The following KCNQ2 variants were observed in gnomAD, a reference collection of about 807,000 sequenced individuals.
The protein encoded by KCNQ2 is potassium voltage-gated channel subfamily KQT member 2.
KCNQ2 carries 14 observed loss-of-function variants against 84.8 expected under a neutral mutation model. The ratio of observed to expected loss-of-function variants is 0.17; its 90% CI spans 0.11 to 0.26. The LOEUF (loss-of-function observed/expected upper bound fraction) is 0.26, where lower values mean the gene tolerates loss of function less well. Among genes scored for constraint, KCNQ2 ranks in the 10% least tolerant of loss-of-function variants. KCNQ2 has a pLI of 1.00. For missense variants in KCNQ2, 788 were observed against 1,254.0 expected (o/e 0.63, Z 5.61); for synonymous variants, 599 against 554.1 (o/e 1.08, Z -1.14).
Position 63,442,004 on chromosome 20 carries a change from G to A in KCNQ2, c.816+402C>T, listed in dbSNP as rs529775769. ...CCAGATCTGTTCAGACCTGATCAGAGTGGGGCCTGCAGAGCCACCTAGTCT... is the reference window on the plus strand; with the variant it reads ...CCAGATCTGTTCAGACCTGATCAGAATGGGGCCTGCAGAGCCACCTAGTCT... On this transcript the variant is annotated intron_variant, in intron 5 of 16. Coordinates refer to ENST00000359125, the MANE Select transcript of KCNQ2 (RefSeq NM_172107.4). Among the ~76,000 whole-genome samples, 11 of 152,310 alleles carry A rather than the reference G, an allele frequency of 7.2e-5. No individual in the cohort carries two copies. In the South Asian group the frequency reaches 2.1e-3, roughly 29 times the overall value.
chr20:63,469,531 T>C lies in KCNQ2; in HGVS notation c.296+2637A>G, dbSNP rs113362980. Among the ~76,000 whole-genome samples the C allele has an allele frequency of 3.1e-3, 473 of 152,232 alleles. 1 individual carries two copies. Among genetic ancestry groups the C allele is most frequent in the African/African-American group, 0.01 (426 of 41,534 alleles). On this transcript the variant is annotated intron_variant, in intron 1 of 16. Transcript: ENST00000359125. Reference sequence around the variant, plus strand: ...GGCCATGGGGCAGCAGCCACCGCCCTCTCTACCCCAGACAGTGGCTACCCC... The same window carrying C: ...GGCCATGGGGCAGCAGCCACCGCCCCCTCTACCCCAGACAGTGGCTACCCC...
intron 1 of KCNQ2, chr20:63,449,293 A>G (rs3746358): frequency 0.21 from 31,251 of 152,240 alleles, 3,587 homozygotes; most frequent in Non-Finnish European, 0.27. Flanking sequence ...CCCCTTGCAA[A>G]TAAAAGACCA....
At chr20:63,421,788 G>A (rs1052016863) in intron 11 of KCNQ2, among the ~76,000 whole-genome samples, 3 of 152,080 alleles carry the variant, frequency 2.0e-5, no homozygotes, top group African/African-American at 7.2e-5. Context: ...GGACAAGACA[G>A]CACAAGTCAG....
chr20:63,452,974 A>G (rs547004800), intron 1 of KCNQ2, among the ~76,000 whole-genome samples: 1 of 152,322 alleles, frequency 6.6e-6, no homozygotes, highest in African/African-American at 2.4e-5. Flanking sequence ...GGGAGGGTCC[A>G]GGGCCTAGTG....
At chr20:63,445,802 G>A (rs74179807) in intron 2 of KCNQ2, among the ~76,000 whole-genome samples, 532 of 33,266 alleles carry the variant, frequency 0.016, 1 homozygote, top group East Asian at 0.07. Flanking sequence ...GAGCTGGGAG[G>A]CCCTGTCTGA....
At chr20:63,463,415 C>T (rs2082005011) in intron 1 of KCNQ2, among the ~76,000 whole-genome samples, 1 of 152,164 alleles carries the variant, frequency 6.6e-6, no homozygotes, top group Admixed American at 6.5e-5. Context: ...GAAGGAAGCC[C>T]AGCCGGCCGA....
At chr20:63,429,478 C>T (rs184559364) in intron 9 of KCNQ2, among the ~76,000 whole-genome samples, 105 of 152,270 alleles carry the variant, frequency 6.9e-4, no homozygotes, top group African/African-American at 1.9e-3. Context: ...ACTCCCTACG[C>T]GGCTATGGCC....
intron 1 of KCNQ2, among the ~76,000 whole-genome samples, chr20:63,450,689 T>G (rs895051988): frequency 6.7e-6 from 1 of 149,918 alleles, no homozygotes; most frequent in African/African-American, 2.5e-5. Context: ...GCAGCGTCTG[T>G]GGAGCCGAGG....
intron 1 of KCNQ2, among the ~76,000 whole-genome samples, chr20:63,470,620 C>A (rs919498997): frequency 6.6e-6 from 1 of 152,238 alleles, no homozygotes; most frequent in African/African-American, 2.4e-5. Flanking sequence ...AGAACCAACC[C>A]TGGGTCAGAC....
intron 1 of KCNQ2, among the ~76,000 whole-genome samples, chr20:63,470,236 A>AGCCGGGG (rs2145911181): frequency 6.8e-6 from 1 of 147,782 alleles, no homozygotes; most frequent in South Asian, 2.1e-4. Context: ...AGAGCCTGGG[A>AGCCGGGG]GCTCAGGGAG....
chr20:63,416,504 G>A (rs887312833), intron 12 of KCNQ2, among the ~76,000 whole-genome samples: 4 of 152,316 alleles, frequency 2.6e-5, no homozygotes, highest in Non-Finnish European at 4.4e-5. Flanking sequence ...CTGGGGACCC[G>A]CTCATGCCCA....
intron 1 of KCNQ2, among the ~76,000 whole-genome samples, chr20:63,458,377 C>T (rs2081860369): frequency 6.6e-6 from 1 of 152,156 alleles, no homozygotes; most frequent in African/African-American, 2.4e-5. Context: ...CCACGCGACC[C>T]ATCCACCCTG....
In KCNQ2 at chr20:63,407,142, C is replaced by A; in HGVS notation, c.2121G>T (p.Ala707=). Residue 707 remains alanine, a synonymous_variant, in exon 17 of 17, where the codon GCG becomes GCT. Transcript: ENST00000359125. This position sits in a 1 kb window ranked among gnomAD's most constrained non-coding sequence, Gnocchi z 7.2. ...TGGAGGGCGGACACTGGACAGGGGG[C>A]GCGGCCGGGGGCGCCGAGAAGTTCT... ...GQKNFSAPPA[A]PPVQCPPSTS... is the part of the protein sequence containing the mutation. The A allele has an allele frequency of 6.4e-7, 1 of 1,570,728 alleles. No individual in the cohort carries two copies.
chr20:63,451,575 A>C (rs2081616896), intron 1 of KCNQ2, among the ~76,000 whole-genome samples: 1 of 152,172 alleles, frequency 6.6e-6, no homozygotes, highest in Non-Finnish European at 1.5e-5. Context: ...CCTCGTGTCA[A>C]GCCCATCCTG....
At chr20:63,470,466 C>T (rs1335774729) in intron 1 of KCNQ2, among the ~76,000 whole-genome samples, 3 of 152,220 alleles carry the variant, frequency 2.0e-5, no homozygotes, top group African/African-American at 7.2e-5. Flanking sequence ...TGGACTGCTG[C>T]TCTCAGGAGG....
chr20:63,424,995 C>A (rs756355375), intron 10 of KCNQ2, among the ~76,000 whole-genome samples: 1 of 152,140 alleles, frequency 6.6e-6, no homozygotes, highest in Non-Finnish European at 1.5e-5. Flanking sequence ...TCCACGCTCT[C>A]GGGGAGGGTC....
chr20:63,432,313 G>T (rs913229024), intron 8 of KCNQ2, among the ~76,000 whole-genome samples: 4 of 146,260 alleles, frequency 2.7e-5, no homozygotes, highest in Non-Finnish European at 4.5e-5. Context: ...CACAGAGAAG[G>T]CTCCACCCTC....
At chr20:63,442,305 A>C in intron 5 of KCNQ2, 101 bp downstream of exon 5, 41 of 1,571,464 alleles carry the variant, frequency 2.6e-5, no homozygotes, top group Non-Finnish European at 3.3e-5. Context: ...GTGGCCCCAA[A>C]GAGATGTATG....
Position 63,414,844 on chromosome 20 carries a change from G to A in KCNQ2, c.1525+59C>T, listed in dbSNP as rs112017877. 1.5e-3 allele frequency: 2,359 copies of A among 1,549,764 alleles called. 23 individuals carry two copies. The African/African-American group carries it at 0.024, about 16-fold the overall frequency. On this transcript the variant is annotated intron_variant, in intron 13 of 16. Transcript: ENST00000359125. This position sits in a 1 kb window ranked among gnomAD's most constrained non-coding sequence, Gnocchi z 6.6. ...GACGCCACAGGGTGGCCACAGTAGC[G>A]TGGCCACCACATCCATCCCCGGAGA...
Sources: allele counts gnomAD v4.1 joint callset (sites outside exome capture counted in the v4.1 genomes callset), GRCh38; gene constraint gnomAD v4.1.1; non-coding constraint Gnocchi (gnomAD v3.1); transcripts MANE v1.5; gene names NCBI Gene and HGNC (gene_info 2026-07-23, HGNC 2026-07-21).